Variants in PPP1R13B observed in about 807,000 individuals in gnomAD.
PPP1R13B encodes the protein protein phosphatase 1 regulatory subunit 13B.
PPP1R13B carries 44 observed loss-of-function variants against 119.8 expected under a neutral mutation model. The observed-to-expected ratio is 0.37, with a 90% CI of 0.29 to 0.47. The LOEUF (loss-of-function observed/expected upper bound fraction) is 0.47. PPP1R13B is among the 20% of genes least tolerant of loss of function. PPP1R13B has a pLI of 0.99. For synonymous variants in PPP1R13B, 542 were observed against 561.5 expected (o/e 0.97, Z 0.49); for missense variants, 1,227 against 1,413.5 (o/e 0.87, Z 2.12).
At chr14:103,800,652 CAAAA>C (rs1358267585) in intron 1 of PPP1R13B, among the ~76,000 whole-genome samples, 1 of 132,604 alleles carries the variant, frequency 7.5e-6, no homozygotes, top group Non-Finnish European at 1.7e-5. Flanking sequence ...AAGACTGTCT[CAAAA>C]AAACAAAAAA....
At position 103,738,716 on chromosome 14, in the gene PPP1R13B, A is replaced by G. The variant is rs963973903; in HGVS notation, c.2827T>C (p.Phe943Leu). Residue 943 changes from phenylalanine (F) to leucine (L), a missense_variant, in exon 14 of 17, where the codon TTT becomes CTT. Physicochemically the swap from Phe to Leu is conservative, Grantham distance 22. Coordinates refer to ENST00000202556, the MANE Select transcript of PPP1R13B (RefSeq NM_015316.3). This position sits in a 1 kb window ranked among gnomAD's most constrained non-coding sequence, Gnocchi z 5.6. Reference sequence around the variant, plus strand: ...TCAGCAGCATTCACGTTGACACCAAAATCCAGCAGGAACTTCACGATGTGA... The same window carrying G: ...TCAGCAGCATTCACGTTGACACCAAGATCCAGCAGGAACTTCACGATGTGA... Reference protein sequence around the residue: ...HHHIVKFLLDFGVNVNAADSD... With the variant: ...HHHIVKFLLDLGVNVNAADSD... 6.2e-7 allele frequency: 1 copy of G among 1,614,092 alleles called. No individual in the cohort carries two copies. The highest frequency in any genetic ancestry group is 8.5e-7 in the Non-Finnish European group (1 of 1,180,042).
intron 1 of PPP1R13B, among the ~76,000 whole-genome samples, chr14:103,802,262 T>C (rs968756985): frequency 1.3e-5 from 2 of 152,144 alleles, no homozygotes; most frequent in Non-Finnish European, 2.9e-5. Context: ...TGAGCCAAGA[T>C]AGCACCACTG....
rs900389817 is a variant in PPP1R13B at position 103,822,787 on chromosome 14, TGA to T, written c.9+24510_9+24511del. Among the ~76,000 whole-genome samples, 8 of 151,948 alleles carry T rather than the reference TGA, an allele frequency of 5.3e-5. No homozygotes were observed. The East Asian group carries it at 1.4e-3, about 26-fold the overall frequency. On this transcript the variant is annotated intron_variant, in intron 1 of 16. Coordinates refer to ENST00000202556, the MANE Select transcript of PPP1R13B (RefSeq NM_015316.3). ...GAGATTGCACCATTGCACTCCAGTC[TGA>T]GAGACAGAGCAAGACTCCATCTCGA...
rs774121105 is a variant in PPP1R13B at position 103,742,647 on chromosome 14, G to A, written c.1320+7C>T. 1.9e-6 allele frequency: 3 copies of A among 1,613,332 alleles called. No homozygotes were observed. The highest frequency in any genetic ancestry group is 2.5e-6 in the Non-Finnish European group (3 of 1,179,756). ...GCTTGTGTTCTGTGGTAAAGACACA[G>A]GCCTACCGGCTTCTCCGTGGGTCCC... On this transcript the variant is annotated splice_region_variant and intron_variant, in intron 10 of 16. Coordinates refer to ENST00000202556, the MANE Select transcript of PPP1R13B (RefSeq NM_015316.3). This position sits in a 1 kb window ranked among gnomAD's most constrained non-coding sequence, Gnocchi z 4.9.
At chr14:103,847,065 G>A in intron 1 of PPP1R13B, 1 of 1,015,520 alleles carries the variant, frequency 9.8e-7, no homozygotes, top group Non-Finnish European at 1.2e-6. Context: ...CCGCGGCCGC[G>A]GAGGCCGAGC....
intron 9 of PPP1R13B, among the ~76,000 whole-genome samples, chr14:103,746,147 CCA>C (rs1325476932): frequency 1.3e-5 from 2 of 152,234 alleles, no homozygotes; most frequent in African/African-American, 4.8e-5. Context: ...TTTTGAAAAG[CCA>C]CACAGTAGAG....
chr14:103,830,263 T>TG (rs1242413472), intron 1 of PPP1R13B, among the ~76,000 whole-genome samples: 1 of 151,806 alleles, frequency 6.6e-6, no homozygotes, highest in African/African-American at 2.4e-5. Context: ...GCCCGGCTAA[T>TG]TTTTATATTT....
At chr14:103,835,740 C>G (rs1359107872) in intron 1 of PPP1R13B, among the ~76,000 whole-genome samples, 1 of 151,774 alleles carries the variant, frequency 6.6e-6, no homozygotes, top group Non-Finnish European at 1.5e-5. Flanking sequence ...TCCCAAGTAG[C>G]TGGGATTACA....
intron 1 of PPP1R13B, among the ~76,000 whole-genome samples, chr14:103,822,547 C>T (rs2086434875): frequency 6.6e-6 from 1 of 152,238 alleles, no homozygotes; most frequent in Non-Finnish European, 1.5e-5. Flanking sequence ...TCACCGGTGG[C>T]TCACGCCTGT....
In PPP1R13B at chr14:103,738,144, C is replaced by T. The variant is rs942618698; in HGVS notation, c.2865-284G>A. ...AATGTACATAACACACTGAAACACACATTTAAAAATAGCTAAGATGTGAAA... is the reference window on the plus strand; with the variant it reads ...AATGTACATAACACACTGAAACACATATTTAAAAATAGCTAAGATGTGAAA... On this transcript the variant is annotated intron_variant, in intron 14 of 16. Transcript: ENST00000202556. The surrounding 1 kb of genome is among the most constrained non-coding windows in gnomAD (Gnocchi z 5.6). 1.3e-5 allele frequency among the ~76,000 whole-genome samples: 2 copies of T among 152,252 alleles called. No homozygotes were observed. Among genetic ancestry groups the T allele is most frequent in the African/African-American group, 2.4e-5 (1 of 41,462 alleles).
At chr14:103,778,186 T>C (rs1434646172) in intron 4 of PPP1R13B, among the ~76,000 whole-genome samples, 7 of 150,388 alleles carry the variant, frequency 4.7e-5, no homozygotes, top group African/African-American at 1.7e-4. Flanking sequence ...ACTCCTGACC[T>C]CAGGGGATCT....
intron 2 of PPP1R13B, 56 bp downstream of exon 2, chr14:103,797,315 A>G (rs2085782726): frequency 1.8e-5 from 27 of 1,501,444 alleles, no homozygotes; most frequent in Non-Finnish European, 2.3e-5. Context: ...AGCTTAGCTA[A>G]AAGATGGTGA....
intron 4 of PPP1R13B, among the ~76,000 whole-genome samples, chr14:103,773,565 A>G (rs1158987017): frequency 6.6e-6 from 1 of 152,204 alleles, no homozygotes; most frequent in Non-Finnish European, 1.5e-5. Flanking sequence ...AGTGCACACA[A>G]CACAGATGTT....
intron 1 of PPP1R13B, among the ~76,000 whole-genome samples, chr14:103,822,631 G>A (rs2086437633): frequency 6.6e-6 from 1 of 151,640 alleles, no homozygotes; most frequent in African/African-American, 2.4e-5. Context: ...GGCCAACATG[G>A]TGAAACCCCA....
At chr14:103,823,006 A>G (rs1177100597) in intron 1 of PPP1R13B, among the ~76,000 whole-genome samples, 1 of 151,992 alleles carries the variant, frequency 6.6e-6, no homozygotes, top group East Asian at 1.9e-4. Context: ...AAAGCCTACT[A>G]TATCACATTG....
intron 7 of PPP1R13B, 49 bp downstream of exon 7, chr14:103,752,951 A>C: frequency 6.5e-7 from 1 of 1,536,918 alleles, no homozygotes; most frequent in East Asian, 2.3e-5. Flanking sequence ...AATGAAAGAT[A>C]GAAAGATGAG....
At chr14:103,818,078 TA>T (rs1335229731) in intron 1 of PPP1R13B, among the ~76,000 whole-genome samples, 1 of 152,188 alleles carries the variant, frequency 6.6e-6, no homozygotes, top group East Asian at 1.9e-4. Flanking sequence ...CAAAACATTG[TA>T]AGTGTGACAT....
At chr14:103,840,939 T>C (rs2086892916) in intron 1 of PPP1R13B, among the ~76,000 whole-genome samples, 1 of 152,204 alleles carries the variant, frequency 6.6e-6, no homozygotes, top group Non-Finnish European at 1.5e-5. Context: ...ACACATTCTA[T>C]GCATGTAACA....
chr14:103,767,683 T>G (rs2084967958), intron 4 of PPP1R13B, among the ~76,000 whole-genome samples: 1 of 152,066 alleles, frequency 6.6e-6, no homozygotes, highest in Non-Finnish European at 1.5e-5. Flanking sequence ...CTCGCTCTCC[T>G]CCCTCTCCGT....
Sources: allele counts gnomAD v4.1 joint callset (sites outside exome capture counted in the v4.1 genomes callset), GRCh38; gene constraint gnomAD v4.1.1; non-coding constraint Gnocchi (gnomAD v3.1); transcripts MANE v1.5; gene names NCBI Gene and HGNC (gene_info 2026-07-23, HGNC 2026-07-21).